The following KLF9 variants were observed in gnomAD, a reference collection of about 807,000 sequenced individuals.
KLF9 encodes the protein Krueppel-like factor 9.
Under a neutral mutation model 17.3 loss-of-function variants are expected in KLF9, and 2 were observed. The ratio of observed to expected loss-of-function variants is 0.12; its 90% CI spans 0.05 to 0.36. The LOEUF is 0.36. Among genes scored for constraint, KLF9 ranks in the 10% least tolerant of loss-of-function variants. KLF9 has a pLI of 1.00. For missense variants in KLF9, 226 were observed against 333.2 expected, an observed-to-expected ratio of 0.68 and a Z score of 2.51; for synonymous variants, 138 against 139.2, an observed-to-expected ratio of 0.99 and a Z score of 0.06.
At chr9:70,394,814 G>A (rs1422578258) in intron 1 of KLF9, among the ~76,000 whole-genome samples, 2 of 152,158 alleles carry the variant, frequency 1.3e-5, no homozygotes, top group African/African-American at 2.4e-5. Context: ...CCTTGGTGAA[G>A]AAATGCATAA....
At chr9:70,399,649 T>C (rs1379131253) in intron 1 of KLF9, among the ~76,000 whole-genome samples, 4 of 152,136 alleles carry the variant, frequency 2.6e-5, no homozygotes, top group Non-Finnish European at 5.9e-5. Flanking sequence ...CCCTGCACAA[T>C]AGTGTGTGAC....
In KLF9 at chr9:70,414,066, T is replaced by G. The variant is rs2037355380; in HGVS notation, c.-703A>C. 1 of 152,456 alleles carries G rather than the reference T, an allele frequency of 6.6e-6. No homozygotes were observed. The allele number at this position is 152,456 out of a possible 1,614,324, so 9.4% of individuals were successfully genotyped here. ...CTCCCCCTGCCAGTCAGAACGGCCT[T>G]CGGTGGAGAGGTGCGTCTAGAACTG... On this transcript the variant is annotated 5_prime_UTR_variant, in exon 1 of 2. Coordinates refer to ENST00000377126, the MANE Select transcript of KLF9 (RefSeq NM_001206.4).
intron 1 of KLF9, among the ~76,000 whole-genome samples, chr9:70,408,258 C>T (rs965645858): frequency 5.9e-5 from 9 of 152,066 alleles, no homozygotes; most frequent in African/African-American, 2.2e-4. Flanking sequence ...ACCCATAATC[C>T]CAGCTACTCT....
chr9:70,411,431 T>G (rs1443298264), intron 1 of KLF9, among the ~76,000 whole-genome samples: 1 of 152,144 alleles, frequency 6.6e-6, no homozygotes, highest in Non-Finnish European at 1.5e-5. Flanking sequence ...CACAGGCACA[T>G]GCCTTTCAGC....
chr9:70,411,932 T>C (rs1193065884), intron 1 of KLF9, among the ~76,000 whole-genome samples: 3 of 152,240 alleles, frequency 2.0e-5, no homozygotes, highest in Middle Eastern at 3.4e-3. Flanking sequence ...TTACCGTTCA[T>C]GTTAAACACA....
chr9:70,402,649 C>T (rs778370394), intron 1 of KLF9, among the ~76,000 whole-genome samples: 1 of 152,074 alleles, frequency 6.6e-6, no homozygotes, highest in African/African-American at 2.4e-5. Flanking sequence ...TTTGCCTAAG[C>T]GTATGTAATA....
chr9:70,403,196 A>C (rs763130082), intron 1 of KLF9, among the ~76,000 whole-genome samples: 1 of 152,224 alleles, frequency 6.6e-6, no homozygotes, highest in Non-Finnish European at 1.5e-5. Context: ...GGGATGACAG[A>C]GAGAATGGGT....
intron 1 of KLF9, among the ~76,000 whole-genome samples, chr9:70,391,156 A>G (rs1351218535): frequency 6.6e-6 from 1 of 152,136 alleles, no homozygotes. Context: ...GGGAAAATGG[A>G]CCAGAAGACC....
intron 1 of KLF9, among the ~76,000 whole-genome samples, chr9:70,403,240 T>TAGAA (rs1213023094): frequency 2.0e-5 from 3 of 152,224 alleles, no homozygotes; most frequent in African/African-American, 7.2e-5. Flanking sequence ...TGTTCCCTTC[T>TAGAA]GGATAATAAA....
rs1045403935 is a variant in KLF9 at position 70,413,478 on chromosome 9, G to C, written c.-115C>G. 4 of 1,137,650 alleles carry C rather than the reference G, an allele frequency of 3.5e-6. No homozygotes were observed. In the African/African-American group the frequency reaches 6.5e-5, roughly 18 times the overall value. 70.5% of individuals were successfully genotyped at this position (1,137,650 alleles called of 1,614,324 possible). ...GCGCGGCGCGGCGCGGCACGGCGCGGCGGCCAAGGGGGCGGGGGCGCGGGG... is the reference window on the plus strand; with the variant it reads ...GCGCGGCGCGGCGCGGCACGGCGCGCCGGCCAAGGGGGCGGGGGCGCGGGG... On this transcript the variant is annotated 5_prime_UTR_variant, in exon 1 of 2. Coordinates refer to ENST00000377126, the MANE Select transcript of KLF9 (RefSeq NM_001206.4). This position sits in a 1 kb window ranked among gnomAD's most constrained non-coding sequence, Gnocchi z 5.6.
At chr9:70,390,698 A>G (rs1433556320) in intron 1 of KLF9, among the ~76,000 whole-genome samples, 1 of 152,060 alleles carries the variant, frequency 6.6e-6, no homozygotes, top group Non-Finnish European at 1.5e-5. Flanking sequence ...GGTCACTCAC[A>G]TTGAAATCTG....
At position 70,387,577 on chromosome 9, in the gene KLF9, TG is replaced by T; in HGVS notation, c.*198del. 1 of 588,016 alleles carries T rather than the reference TG, an allele frequency of 1.7e-6. No homozygotes were observed. The highest frequency in any genetic ancestry group is 2.0e-5 in the South Asian group (1 of 49,048). The allele number at this position is 588,016 out of a possible 1,614,324, so 36.4% of individuals were successfully genotyped here. ...TTGCCTCTTCAAGGGGACCGAGTGT[TG>T]TTGACTTTGATCTTAGGCTACAATG... On this transcript the variant is annotated 3_prime_UTR_variant, in exon 2 of 2. Transcript: ENST00000377126.
chr9:70,409,204 A>G (rs1317623206), intron 1 of KLF9, among the ~76,000 whole-genome samples: 3 of 132,256 alleles, frequency 2.3e-5, no homozygotes, highest in African/African-American at 8.2e-5. Context: ...GTATATGTAT[A>G]TATATATACA....
intron 1 of KLF9, among the ~76,000 whole-genome samples, chr9:70,407,572 G>A (rs1207593174): frequency 6.6e-6 from 1 of 152,210 alleles, no homozygotes; most frequent in African/African-American, 2.4e-5. Context: ...GAGGCCCCCC[G>A]ACTGTCTTTG....
At chr9:70,391,891 G>T (rs1171379937) in intron 1 of KLF9, among the ~76,000 whole-genome samples, 1 of 152,220 alleles carries the variant, frequency 6.6e-6, no homozygotes, top group Non-Finnish European at 1.5e-5. Context: ...CATGCTCATT[G>T]GTTTAAGTAT....
intron 1 of KLF9, among the ~76,000 whole-genome samples, chr9:70,396,420 GCTAA>G (rs2037182072): frequency 6.6e-6 from 1 of 152,194 alleles, no homozygotes; most frequent in African/African-American, 2.4e-5. Context: ...GCCATACACT[GCTAA>G]CTGAGAAGAA....
At chr9:70,393,883 G>T (rs1032280860) in intron 1 of KLF9, among the ~76,000 whole-genome samples, 1 of 152,110 alleles carries the variant, frequency 6.6e-6, no homozygotes. Context: ...TTAGCCAGGC[G>T]TAGTGGTGCT....
In KLF9 at chr9:70,413,451, G is replaced by A; in HGVS notation, c.-88C>T. ...TCGCCCTGCCCTGGCCTCGGACGACGAGCGCGGCGCGGCGCGGCACGGCGC... is the reference window on the plus strand; with the variant it reads ...TCGCCCTGCCCTGGCCTCGGACGACAAGCGCGGCGCGGCGCGGCACGGCGC... On this transcript the variant is annotated 5_prime_UTR_variant, in exon 1 of 2. Transcript: ENST00000377126. The surrounding 1 kb of genome is among the most constrained non-coding windows in gnomAD (Gnocchi z 5.6). 2.4e-6 allele frequency: 3 copies of A among 1,263,254 alleles called. No individual in the cohort carries two copies. Among genetic ancestry groups the A allele is most frequent in the South Asian group, 2.7e-5 (1 of 37,398 alleles). The allele number at this position is 1,263,254 out of a possible 1,614,324, so 78.3% of individuals were successfully genotyped here.
At chr9:70,404,662 A>C (rs2037244933) in intron 1 of KLF9, among the ~76,000 whole-genome samples, 2 of 152,142 alleles carry the variant, frequency 1.3e-5, no homozygotes, top group Non-Finnish European at 2.9e-5. Context: ...TGCTGGACTA[A>C]TCTGGAATTC....
Sources: allele counts gnomAD v4.1 joint callset (sites outside exome capture counted in the v4.1 genomes callset), GRCh38; gene constraint gnomAD v4.1.1; non-coding constraint Gnocchi (gnomAD v3.1); transcripts MANE v1.5; gene names NCBI Gene and HGNC (gene_info 2026-07-23, HGNC 2026-07-21).